Variants in EPB41L4A observed in about 807,000 individuals in gnomAD.
EPB41L4A encodes the protein band 4.1-like protein 4A.
A neutral mutation model predicts 108.6 loss-of-function variants in EPB41L4A; 100 were observed. The ratio of observed to expected loss-of-function variants is 0.92; its 90% confidence interval spans 0.78 to 1.09. EPB41L4A has a LOEUF of 1.09. Among genes scored for constraint, EPB41L4A ranks in the 50% least tolerant of loss-of-function variants. The pLI is 0.00. For synonymous variants in EPB41L4A, 319 were observed against 289.0 expected, an observed-to-expected ratio of 1.10 and a Z score of -1.05; for missense variants, 1,030 against 842.7, an observed-to-expected ratio of 1.22 and a Z score of -2.75.
chr5:112,315,826 A>G (rs1755394969), intron 1 of EPB41L4A, among the ~76,000 whole-genome samples: 1 of 152,180 alleles, frequency 6.6e-6, no homozygotes, highest in Non-Finnish European at 1.5e-5. Flanking sequence ...CATCAAAAAA[A>G]TAAAGAAGAC....
intron 1 of EPB41L4A, among the ~76,000 whole-genome samples, chr5:112,396,454 T>C (rs549304087): frequency 6.6e-6 from 1 of 152,308 alleles, no homozygotes; most frequent in African/African-American, 2.4e-5. Context: ...TATAACAAAT[T>C]ACCCCAAAAC....
At chr5:112,417,707 G>C (rs745713042) in intron 1 of EPB41L4A, among the ~76,000 whole-genome samples, 9 of 152,136 alleles carry the variant, frequency 5.9e-5, no homozygotes, top group Non-Finnish European at 8.8e-5. Flanking sequence ...ACTGAATTTT[G>C]CTCAGTATAA....
intron 1 of EPB41L4A, among the ~76,000 whole-genome samples, chr5:112,336,356 G>A (rs151072278): frequency 6.6e-6 from 1 of 152,148 alleles, no homozygotes; most frequent in Admixed American, 6.5e-5. Flanking sequence ...GCTTTCCTCT[G>A]CATGTCACTG....
intron 10 of EPB41L4A, among the ~76,000 whole-genome samples, chr5:112,240,263 T>A (rs1580505161): frequency 6.6e-6 from 1 of 152,178 alleles, no homozygotes; most frequent in African/African-American, 2.4e-5. Flanking sequence ...GGTGACCTCA[T>A]CCAGCCACTT....
intron 2 of EPB41L4A, among the ~76,000 whole-genome samples, chr5:112,287,360 TC>T (rs1368874987): frequency 2.6e-5 from 4 of 152,234 alleles, no homozygotes; most frequent in African/African-American, 9.6e-5. Context: ...CTCTTTATCT[TC>T]TATCTCTTCT....
chr5:112,408,808 A>G (rs532246546), intron 1 of EPB41L4A, among the ~76,000 whole-genome samples: 43 of 151,832 alleles, frequency 2.8e-4, no homozygotes, highest in African/African-American at 8.2e-4. Context: ...TTCACACCCA[A>G]TAGGATGATA....
At chr5:112,356,342 C>T (rs963533541) in intron 1 of EPB41L4A, among the ~76,000 whole-genome samples, 1 of 152,098 alleles carries the variant, frequency 6.6e-6, no homozygotes, top group Non-Finnish European at 1.5e-5. Context: ...AGGGTGGTAA[C>T]TCCTATTACA....
intron 12 of EPB41L4A, 86 bp downstream of exon 12, chr5:112,234,548 T>C: frequency 1.5e-6 from 2 of 1,292,214 alleles, no homozygotes; most frequent in Non-Finnish European, 2.1e-6. Context: ...GACTGTAGAG[T>C]TATAGACATC....
In EPB41L4A at chr5:112,408,120, T is replaced by C. The variant is rs547634400; in HGVS notation, c.99+10821A>G. Among the ~76,000 whole-genome samples, 211 of 152,326 alleles carry C rather than the reference T, an allele frequency of 1.4e-3. 1 individual carries two copies. The highest frequency in any genetic ancestry group is 4.9e-3 in the African/African-American group (204 of 41,582). On this transcript the variant is annotated intron_variant, in intron 1 of 22. Coordinates refer to ENST00000261486, the MANE Select transcript of EPB41L4A (RefSeq NM_022140.5). ...GTTAACTCCTCACATTTATTTTTAA[T>C]TGATTTTTTTTATAAGGGTGCCAAG...
intron 4 of EPB41L4A, among the ~76,000 whole-genome samples, chr5:112,270,066 C>T (rs976027072): frequency 2.0e-5 from 3 of 152,112 alleles, no homozygotes; most frequent in African/African-American, 7.2e-5. Context: ...TGTTGAGGAC[C>T]ATTAACAATT....
chr5:112,191,586 A>C (rs1761700443), intron 17 of EPB41L4A, among the ~76,000 whole-genome samples: 1 of 152,100 alleles, frequency 6.6e-6, no homozygotes, highest in Non-Finnish European at 1.5e-5. Flanking sequence ...AAAGCAGCTT[A>C]TGCTCCAATG....
In EPB41L4A at chr5:112,213,242, C is replaced by A. The variant is rs949822691; in HGVS notation, c.1088-3260G>T. 2.0e-5 allele frequency among the ~76,000 whole-genome samples: 3 copies of A among 152,096 alleles called. No individual in the cohort carries two copies. In the East Asian group the frequency reaches 5.8e-4, roughly 29 times the overall value. On this transcript the variant is annotated intron_variant, in intron 12 of 22. Transcript: ENST00000261486. ...GTGACAGTGCTATAACTCTCATATA[C>A]CCACTGTAGACGAGATAAGGTATAA... is the stretch of plus-strand genomic sequence containing the variant.
chr5:112,155,903 G>A (rs1157210086), intron 12 of EPB41L4A, among the ~76,000 whole-genome samples: 10 of 151,850 alleles, frequency 6.6e-5, no homozygotes, highest in Non-Finnish European at 1.5e-4. Context: ...CTGATTTTCA[G>A]AAACAAATTA....
At chr5:112,345,780 T>C (rs6876526) in intron 1 of EPB41L4A, among the ~76,000 whole-genome samples, 1,617 of 74,562 alleles carry the variant, frequency 0.022, 18 homozygotes, top group South Asian at 0.069. Flanking sequence ...TATATATATA[T>C]ACACACACAC....
intron 1 of EPB41L4A, among the ~76,000 whole-genome samples, chr5:112,352,436 T>C (rs746778071): frequency 6.6e-6 from 1 of 152,214 alleles, no homozygotes; most frequent in Non-Finnish European, 1.5e-5. Context: ...ATGTTATTGA[T>C]TTCTGGCTTT....
At chr5:112,219,053 T>C (rs569190966) in intron 12 of EPB41L4A, among the ~76,000 whole-genome samples, 15 of 152,230 alleles carry the variant, frequency 9.9e-5, no homozygotes, top group Non-Finnish European at 2.1e-4. Context: ...TTAATAAATT[T>C]CATCACATTC....
intron 12 of EPB41L4A, among the ~76,000 whole-genome samples, chr5:112,229,987 C>CAAA (rs71224877): frequency 1.3e-4 from 10 of 77,212 alleles, no homozygotes; most frequent in Admixed American, 6.3e-4. Context: ...GACTCTGTCT[C>CAAA]AAAAAAAAAA....
At chr5:112,399,858 C>A (rs367871359) in intron 1 of EPB41L4A, among the ~76,000 whole-genome samples, 1 of 152,226 alleles carries the variant, frequency 6.6e-6, no homozygotes, top group African/African-American at 2.4e-5. Flanking sequence ...CCCTTCACCC[C>A]CTTTGACTAA....
chr5:112,339,528 C>G (rs13170306), intron 1 of EPB41L4A, among the ~76,000 whole-genome samples: 1 of 25,456 alleles, frequency 3.9e-5, no homozygotes, highest in African/African-American at 8.2e-5. Context: ...AGATATATAT[C>G]TATATATATA....
Sources: gnomAD v4.1 joint callset for allele counts (sites outside exome capture counted in the v4.1 genomes callset) on GRCh38, gnomAD v4.1.1 for gene constraint, MANE v1.5 for transcripts, NCBI Gene and HGNC (gene_info 2026-07-23, HGNC 2026-07-21) for gene names.